CCNH: variants seen among roughly 807,000 people sequenced by gnomAD.
CCNH encodes cyclin-H.
CCNH carries 31 observed loss-of-function variants against 41.9 expected under a neutral mutation model. The observed-to-expected ratio is 0.74, with a 90% CI of 0.56 to 1.00. CCNH has a LOEUF of 1.00. CCNH is among the 50% of genes least tolerant of loss of function. CCNH has a pLI of 0.00. For synonymous variants in CCNH, 138 were observed against 136.1 expected (o/e 1.01, Z -0.10); for missense variants, 362 against 388.4 (o/e 0.93, Z 0.57).
chr5:87,411,703 C>G (rs1764256233), intron 1 of CCNH, among the ~76,000 whole-genome samples: 1 of 151,946 alleles, frequency 6.6e-6, no homozygotes, highest in African/African-American at 2.4e-5. Flanking sequence ...CTTCCAACAT[C>G]CGTTTCTCGG....
chr5:87,390,692 T>G, downstream of CCNH: 1 of 851,872 alleles, frequency 1.2e-6, no homozygotes, highest in South Asian at 1.4e-5. Context: ...TGTGGTAATA[T>G]TTTATGCATC....
downstream of CCNH, among the ~76,000 whole-genome samples, chr5:87,393,221 A>C (rs1022877979): frequency 2.0e-5 from 3 of 152,152 alleles, no homozygotes; most frequent in African/African-American, 7.2e-5. Context: ...GGATGTACTG[A>C]GACTGAGGAG....
intron 9 of CCNH, among the ~76,000 whole-genome samples, chr5:87,322,163 C>A (rs1756868846): frequency 6.6e-6 from 1 of 152,048 alleles, no homozygotes; most frequent in Non-Finnish European, 1.5e-5. Context: ...TTGTTTAAAG[C>A]AGGGGTCCTC....
intron 7 of CCNH, among the ~76,000 whole-genome samples, chr5:87,396,924 T>G (rs958136371): frequency 3.3e-5 from 5 of 152,100 alleles, no homozygotes; most frequent in African/African-American, 1.2e-4. Flanking sequence ...AAGTAACTTC[T>G]GAGGTCATGA....
At chr5:87,374,442 C>CATGCATAT, downstream of CCNH, 2 of 282,848 alleles carry the variant, frequency 7.1e-6, no homozygotes, top group Non-Finnish European at 1.2e-5. Flanking sequence ...GTTCTAATAG[C>CATGCATAT]ATATATATAT....
At chr5:87,392,172 G>A (rs150517720), downstream of CCNH, 1 of 434,570 alleles carries the variant, frequency 2.3e-6, no homozygotes, top group African/African-American at 2.0e-5. Flanking sequence ...ATCAAAGTGA[G>A]TGAGACAGGA....
intron 2 of CCNH, among the ~76,000 whole-genome samples, chr5:87,410,012 G>T (rs1047747984): frequency 6.6e-6 from 1 of 152,118 alleles, no homozygotes; most frequent in Non-Finnish European, 1.5e-5. Flanking sequence ...TATCAATGAG[G>T]TTAACTGACT....
At chr5:87,338,529 A>G (rs1203564688) in intron 9 of CCNH, among the ~76,000 whole-genome samples, 2 of 92,368 alleles carry the variant, frequency 2.2e-5, no homozygotes, top group Non-Finnish European at 4.3e-5. Flanking sequence ...ATATATATAT[A>G]TATAAAATTT....
chr5:87,378,720 T>A (rs931536277), upstream of CCNH, among the ~76,000 whole-genome samples: 1 of 152,198 alleles, frequency 6.6e-6, no homozygotes, highest in Non-Finnish European at 1.5e-5. Context: ...TTAAAAAAGA[T>A]GTACTTTATT....
chr5:87,328,350 T>A (rs1757383039), intron 9 of CCNH, among the ~76,000 whole-genome samples: 1 of 152,034 alleles, frequency 6.6e-6, no homozygotes, highest in Non-Finnish European at 1.5e-5. Flanking sequence ...TTGAAAACGG[T>A]CACCAGCAAA....
At chr5:87,402,194 A>T (rs1763470771) in intron 5 of CCNH, among the ~76,000 whole-genome samples, 1 of 152,192 alleles carries the variant, frequency 6.6e-6, no homozygotes, top group Admixed American at 6.5e-5. Flanking sequence ...ACTAGTAAGG[A>T]TTCTCTATTC....
chr5:87,403,835 C>A (rs1763596812), intron 5 of CCNH, among the ~76,000 whole-genome samples: 1 of 152,120 alleles, frequency 6.6e-6, no homozygotes, highest in Non-Finnish European at 1.5e-5. Flanking sequence ...ATCTTAACTC[C>A]ATATACATCA....
intron 9 of CCNH, among the ~76,000 whole-genome samples, chr5:87,359,972 C>A (rs1423226175): frequency 2.0e-5 from 3 of 152,098 alleles, no homozygotes; most frequent in Non-Finnish European, 4.4e-5. Flanking sequence ...AACTCTGATT[C>A]CAGATTTGAA....
At chr5:87,352,610 A>G (rs1255340202) in intron 9 of CCNH, among the ~76,000 whole-genome samples, 1 of 151,774 alleles carries the variant, frequency 6.6e-6, no homozygotes, top group African/African-American at 2.4e-5. Context: ...TCAAAATAAT[A>G]AGCTTTTCTC....
At chr5:87,368,784 T>G (rs570724761) in intron 9 of CCNH, among the ~76,000 whole-genome samples, 1 of 152,310 alleles carries the variant, frequency 6.6e-6, no homozygotes, top group East Asian at 1.9e-4. Flanking sequence ...GCAACTGCCT[T>G]GAACGGAAAA....
exon 1 of CCNH, chr5:87,376,340 A>T (rs1761325046): frequency 1.3e-6 from 2 of 1,595,226 alleles, no homozygotes; most frequent in Non-Finnish European, 1.7e-6. Context: ...TACTTGCATG[A>T]CTAATTATCG....
downstream of CCNH, chr5:87,372,252 CTTTTTATTTTA>C: frequency 6.7e-7 from 1 of 1,491,782 alleles, no homozygotes; most frequent in East Asian, 2.3e-5. Context: ...ACACTTTGCT[CTTTTTATTTTA>C]TTTTTATCTG....
chr5:87,364,483 C>T (rs1287703387), intron 9 of CCNH, among the ~76,000 whole-genome samples: 6 of 152,104 alleles, frequency 3.9e-5, no homozygotes, highest in Admixed American at 2.0e-4. Flanking sequence ...TGAATTACTT[C>T]ATAAATTCAT....
In CCNH at chr5:87,321,825, A is replaced by AC. The variant is rs1399263542; in HGVS notation, c.*91-2929dup. Among the ~76,000 whole-genome samples, 13 of 152,002 alleles carry AC rather than the reference A, an allele frequency of 8.6e-5. No homozygotes were observed. In the East Asian group the frequency reaches 1.4e-3, roughly 16 times the overall value. On this transcript the variant is annotated intron_variant and NMD_transcript_variant, in intron 9 of 9. Coordinates refer to the CCNH transcript ENST00000645953. The stretch of plus-strand genomic sequence containing the variant: ...CATCAGCACTTTCCCCAATGGGAAG[A>AC]CCCCCCATAGGACCCTCTCTGAAAT...
Sources: allele counts gnomAD v4.1 joint callset (sites outside exome capture counted in the v4.1 genomes callset), GRCh38; gene constraint gnomAD v4.1.1; transcripts MANE v1.5; gene names NCBI Gene and HGNC (gene_info 2026-07-23, HGNC 2026-07-21).